GRIP1: variants seen among roughly 807,000 people sequenced by gnomAD.
GRIP1 encodes the protein glutamate receptor interacting protein 1, also known as glutamate receptor-interacting protein 1.
Under a neutral mutation model 129.9 loss-of-function variants are expected in GRIP1, and 45 were observed. The ratio of observed to expected loss-of-function variants is 0.35; its 90% CI spans 0.27 to 0.44. The LOEUF (loss-of-function observed/expected upper bound fraction) is 0.44, where lower values mean the gene tolerates loss of function less well. Ranked by LOEUF, GRIP1 falls within the 20% of genes least tolerant of loss-of-function variation. GRIP1 has a pLI of 1.00. For missense variants in GRIP1, 1,196 were observed against 1,396.8 expected, an observed-to-expected ratio of 0.86 and a Z score of 2.29; for synonymous variants, 530 against 520.8, an observed-to-expected ratio of 1.02 and a Z score of -0.24.
chr12:66,886,886 T>A (rs925785232), intron 1 of GRIP1, among the ~76,000 whole-genome samples: 43 of 152,334 alleles, frequency 2.8e-4, no homozygotes, highest in African/African-American at 9.9e-4. Flanking sequence ...CTAACCCTAT[T>A]TTATAGCATA....
intron 1 of GRIP1, among the ~76,000 whole-genome samples, chr12:66,901,050 C>G (rs2040836430): frequency 6.6e-6 from 1 of 152,172 alleles, no homozygotes; most frequent in Non-Finnish European, 1.5e-5. Flanking sequence ...ATATTTAAAT[C>G]AGCTGCATGG....
intron 1 of GRIP1, among the ~76,000 whole-genome samples, chr12:66,940,880 CT>C (rs1235612581): frequency 4.6e-5 from 7 of 152,030 alleles, no homozygotes; most frequent in African/African-American, 1.7e-4. Context: ...GAAAAATAAC[CT>C]GCTTTAAATT....
intron 1 of GRIP1, among the ~76,000 whole-genome samples, chr12:66,726,338 T>C (rs1290890925): frequency 6.6e-6 from 1 of 152,208 alleles, no homozygotes; most frequent in African/African-American, 2.4e-5. Context: ...ATTACAAAAC[T>C]GTAGAATATG....
intron 14 of GRIP1, among the ~76,000 whole-genome samples, chr12:66,430,224 G>C (rs2058107681): frequency 6.6e-6 from 1 of 152,064 alleles, no homozygotes; most frequent in Admixed American, 6.6e-5. Context: ...TTTTTTTAAA[G>C]AGCAAAGTCT....
At chr12:66,545,036 A>C (rs74368402) in intron 2 of GRIP1, among the ~76,000 whole-genome samples, 5 of 152,074 alleles carry the variant, frequency 3.3e-5, no homozygotes, top group African/African-American at 1.2e-4. Flanking sequence ...CACTCCCTCA[A>C]TTAAGAGGAC....
Position 66,941,771 on chromosome 12 carries a change from A to T in GRIP1, c.58+127279T>A, listed in dbSNP as rs184433767. Among the ~76,000 whole-genome samples, 32 of 152,368 alleles carry T rather than the reference A, an allele frequency of 2.1e-4. No homozygotes were observed. In the East Asian group the frequency reaches 5.2e-3, roughly 25 times the overall value. ...TTAAAAGGATGTACAATTAAATGGC[A>T]GCCAGTAACGTAATCATGATCCTCC... On this transcript the variant is annotated intron_variant, in intron 1 of 1. Transcript: ENST00000643019.
At chr12:66,524,872 C>T (rs528370349) in intron 5 of GRIP1, among the ~76,000 whole-genome samples, 1 of 152,272 alleles carries the variant, frequency 6.6e-6, no homozygotes, top group South Asian at 2.1e-4. Flanking sequence ...CAAAGAAATA[C>T]AAACTACCAT....
Position 66,348,281 on chromosome 12 carries a change from T to A in GRIP1, c.*738A>T, listed in dbSNP as rs1222384822. On this transcript the variant is annotated 3_prime_UTR_variant, in exon 25 of 25. Transcript: ENST00000359742. Reference sequence around the variant, plus strand: ...AATAAGATAATATAACTAATTCTCATGTTTACTACACACTCTAATTCATTA... The same window carrying A: ...AATAAGATAATATAACTAATTCTCAAGTTTACTACACACTCTAATTCATTA... 2 of 150,560 alleles carry A rather than the reference T, an allele frequency of 1.3e-5. No homozygotes were observed. Among genetic ancestry groups the A allele is most frequent in the East Asian group, 1.9e-4 (1 of 5,198 alleles). The allele number at this position is 150,560 out of a possible 1,614,324, so 9.3% of individuals were successfully genotyped here.
intron 1 of GRIP1, among the ~76,000 whole-genome samples, chr12:66,767,432 TAA>T (rs1306048903): frequency 6.6e-6 from 1 of 152,126 alleles, no homozygotes; most frequent in Non-Finnish European, 1.5e-5. Context: ...GTGAGATGTT[TAA>T]AGAGTTATTT....
At chr12:66,415,993 T>G (rs972386050) in intron 15 of GRIP1, among the ~76,000 whole-genome samples, 14 of 151,958 alleles carry the variant, frequency 9.2e-5, no homozygotes, top group African/African-American at 3.4e-4. Flanking sequence ...AGATGATAGG[T>G]TGATCTGTGC....
intron 1 of GRIP1, among the ~76,000 whole-genome samples, chr12:66,882,237 C>T (rs2040491978): frequency 1.3e-5 from 2 of 149,850 alleles, no homozygotes; most frequent in Non-Finnish European, 3.0e-5. Context: ...AAAGACCACT[C>T]TTCTATCAAC....
At chr12:66,827,387 T>A (rs10878513) in intron 1 of GRIP1, among the ~76,000 whole-genome samples, 167 of 108,288 alleles carry the variant, frequency 1.5e-3, no homozygotes, top group African/African-American at 3.9e-3. Context: ...TGTGTGTGTG[T>A]GAGAGAGAGA....
chr12:66,523,888 G>A (rs1565824460), intron 5 of GRIP1, among the ~76,000 whole-genome samples: 1 of 152,128 alleles, frequency 6.6e-6, no homozygotes, highest in African/African-American at 2.4e-5. Context: ...CCTAGTCTCT[G>A]ATTAAACAGA....
Position 66,475,234 on chromosome 12 carries a change from G to A in GRIP1, c.725-9812C>T, listed in dbSNP as rs192605876. Among the ~76,000 whole-genome samples, 4 of 152,268 alleles carry A rather than the reference G, an allele frequency of 2.6e-5. No homozygotes were observed. The East Asian group carries it at 7.7e-4, about 29-fold the overall frequency. Reference sequence around the variant, plus strand: ...ACAAAGATCAAAGGAGACAAAGAAGGCCATTACATAATGGTAAAGGGATAA... The same window carrying A: ...ACAAAGATCAAAGGAGACAAAGAAGACCATTACATAATGGTAAAGGGATAA... On this transcript the variant is annotated intron_variant, in intron 7 of 24. Coordinates refer to ENST00000359742, the MANE Select transcript of GRIP1 (RefSeq NM_001366722.1).
At chr12:66,748,073 T>TA (rs2037007356) in intron 1 of GRIP1, among the ~76,000 whole-genome samples, 1 of 151,890 alleles carries the variant, frequency 6.6e-6, no homozygotes, top group African/African-American at 2.4e-5. Flanking sequence ...GGCTGGAGTG[T>TA]AGTGGCACAA....
intron 2 of GRIP1, among the ~76,000 whole-genome samples, chr12:66,546,091 T>G (rs1053559706): frequency 6.6e-6 from 1 of 152,176 alleles, no homozygotes; most frequent in African/African-American, 2.4e-5. Context: ...TAGACAAGAT[T>G]ATTCTAAAAT....
chr12:66,388,290 T>C (rs1188123350), intron 19 of GRIP1, among the ~76,000 whole-genome samples: 1 of 152,122 alleles, frequency 6.6e-6, no homozygotes, highest in East Asian at 1.9e-4. Context: ...TTATATAAAA[T>C]ACATTTGACA....
rs141240561 is a variant in GRIP1 at position 66,761,615 on chromosome 12, C to G, written c.-420+42438G>C. Among the ~76,000 whole-genome samples the G allele has an allele frequency of 8.6e-3, 1,307 of 152,312 alleles. 5 individuals carry two copies. Among genetic ancestry groups the G allele is most frequent in the Non-Finnish European group, 0.013 (907 of 68,032 alleles). ...CTCTGCCATGCATTATCTCCCTACT[C>G]AACTGAAAGCTTCTCAAGGACAGGT... On this transcript the variant is annotated intron_variant, in intron 1 of 4. Transcript: ENST00000538373.
intron 1 of GRIP1, among the ~76,000 whole-genome samples, chr12:66,932,540 A>C (rs922762037): frequency 6.6e-6 from 1 of 152,058 alleles, no homozygotes; most frequent in Non-Finnish European, 1.5e-5. Flanking sequence ...TAGGTCACTT[A>C]ATTGGACATC....
Sources: gnomAD v4.1 joint callset for allele counts (sites outside exome capture counted in the v4.1 genomes callset) on GRCh38, gnomAD v4.1.1 for gene constraint, MANE v1.5 for transcripts, NCBI Gene and HGNC (gene_info 2026-07-23, HGNC 2026-07-21) for gene names.